BNIP2: variants seen among roughly 807,000 people sequenced by gnomAD.
BNIP2 encodes the protein BCL2 interacting protein 2.
BNIP2 carries 36 observed loss-of-function variants against 43.4 expected under a neutral mutation model. The observed-to-expected ratio is 0.83, with a 90% CI of 0.64 to 1.10. The LOEUF (loss-of-function observed/expected upper bound fraction) is 1.10. Ranked by LOEUF, BNIP2 falls within the 50% of genes least tolerant of loss-of-function variation. The probability of loss-of-function intolerance (pLI) is 0.00; values close to 1 mark genes in which losing one functional copy is unlikely to be tolerated. For missense variants in BNIP2, 417 were observed against 374.1 expected, an observed-to-expected ratio of 1.11 and a Z score of -0.95; for synonymous variants, 146 against 121.0, an observed-to-expected ratio of 1.21 and a Z score of -1.35.
At chr15:59,682,611 T>C in intron 1 of BNIP2, 97 bp from the exon 2 acceptor site, 1 of 951,536 alleles carries the variant, frequency 1.1e-6, no homozygotes, top group Non-Finnish European at 1.5e-6. Flanking sequence ...ACTTGATGTT[T>C]AGTACAATGG....
rs1208542526 is a variant in BNIP2, at chr15:59,668,204, G to A, written c.893+688C>T. ...GAAAATGAATAAAAACTTGAAAAAA[G>A]CTACTAAAAATAAACTCATTTAAAT... On this transcript the variant is annotated intron_variant, in intron 9 of 9. Coordinates refer to ENST00000607373, the MANE Select transcript of BNIP2 (RefSeq NM_004330.4). 1.3e-5 allele frequency: 13 copies of A among 998,890 alleles called. No individual in the cohort carries two copies. The East Asian group carries it at 2.6e-4, about 20-fold the overall frequency. 61.9% of individuals were successfully genotyped at this position (998,890 alleles called of 1,614,324 possible). A position where few individuals can be genotyped will look rare whatever the true frequency, so the allele number is the denominator to read the frequency against.
Position 59,682,486 on chromosome 15 carries a change from A to C in BNIP2, c.-29T>G, listed in dbSNP as rs763463693. 1 of 1,613,264 alleles carries C rather than the reference A, an allele frequency of 6.2e-7. No individual in the cohort carries two copies. The highest frequency in any genetic ancestry group is 2.2e-5 in the East Asian group (1 of 44,860). The stretch of plus-strand genomic sequence containing the variant: ...CAGCCTGGATTCAATGTCAACTACA[A>C]ACTCTTGATAATCCAGGGAGCCAAT... On this transcript the variant is annotated 5_prime_UTR_variant, in exon 2 of 10. Transcript: ENST00000607373.
chr15:59,661,705 TAC>T lies in BNIP2; in HGVS notation c.*2362_*2363del, dbSNP rs1362768675. 1 of 152,172 alleles carries T rather than the reference TAC, an allele frequency of 6.6e-6. No homozygotes were observed. Among genetic ancestry groups the T allele is most frequent in the African/African-American group, 2.4e-5 (1 of 41,426 alleles). 9.4% of individuals were successfully genotyped at this position (152,172 alleles called of 1,614,324 possible). ...CATGATCCCAACAGAAAGATAAAAG[TAC>T]AATCACATATACTTTCACCTTGGTC... On this transcript the variant is annotated 3_prime_UTR_variant, in exon 10 of 10. Coordinates refer to ENST00000607373, the MANE Select transcript of BNIP2 (RefSeq NM_004330.4).
rs1893340383 is a variant in BNIP2 at position 59,676,953 on chromosome 15, C to T, written c.472+958G>A. Reference sequence around the variant, plus strand: ...CTCTGCGAGAACAGCATGATCCTCTCTGCTGCCATCTTCATCACCCTCTTA... The same window carrying T: ...CTCTGCGAGAACAGCATGATCCTCTTTGCTGCCATCTTCATCACCCTCTTA... On this transcript the variant is annotated intron_variant, in intron 5 of 9. Transcript: ENST00000607373. The T allele has an allele frequency of 2.4e-5, 38 of 1,612,326 alleles. No individual in the cohort carries two copies. The South Asian group carries it at 3.5e-4, about 15-fold the overall frequency.
chr15:59,678,918 G>A (rs555636705), intron 4 of BNIP2: 4 of 1,218,296 alleles, frequency 3.3e-6, no homozygotes, highest in East Asian at 6.1e-5. Context: ...GCTTACTACT[G>A]GACTGTTTAT....
chr15:59,681,342 G>GT (rs1893653969), intron 2 of BNIP2, among the ~76,000 whole-genome samples: 1 of 150,550 alleles, frequency 6.6e-6, no homozygotes, highest in Non-Finnish European at 1.5e-5. Context: ...CAATATAATT[G>GT]TAAATACAAA....
intron 5 of BNIP2, among the ~76,000 whole-genome samples, chr15:59,674,624 G>C (rs1477530626): frequency 1.3e-5 from 2 of 152,120 alleles, no homozygotes; most frequent in African/African-American, 4.8e-5. Context: ...AATGCATCTG[G>C]CAGAGAGTAA....
In BNIP2 at chr15:59,678,754, A is replaced by G. The variant is rs558048683; in HGVS notation, c.296-667T>C. ...TCAGTATTATAGTCCTTACCAAAAGATGGGGGGAGGGGGAAACCTACTGCA... is the reference window on the plus strand; with the variant it reads ...TCAGTATTATAGTCCTTACCAAAAGGTGGGGGGAGGGGGAAACCTACTGCA... On this transcript the variant is annotated intron_variant, in intron 4 of 9. Transcript: ENST00000607373. The G allele has an allele frequency of 9.8e-4, 1,267 of 1,292,394 alleles. 9 individuals carry two copies. The highest frequency in any genetic ancestry group is 8.0e-3 in the Middle Eastern group (37 of 4,650). 80.1% of individuals were successfully genotyped at this position (1,292,394 alleles called of 1,614,324 possible). A position where few individuals can be genotyped will look rare whatever the true frequency, so the allele number is the denominator to read the frequency against.
At chr15:59,678,498 A>G in intron 4 of BNIP2, 1 of 1,070,364 alleles carries the variant, frequency 9.3e-7, no homozygotes, top group Non-Finnish European at 1.1e-6. Context: ...GTTGTTGTTG[A>G]GCACATAAAT....
rs766304179 is a variant in BNIP2, at chr15:59,689,294, G to A, written c.-217C>T. The A allele has an allele frequency of 3.9e-6, 6 of 1,546,036 alleles. No individual in the cohort carries two copies. Among genetic ancestry groups the A allele is most frequent in the African/African-American group, 1.4e-5 (1 of 72,870 alleles). Reference sequence around the variant, plus strand: ...CCCCCGGCCGCAGCGGTACGGCGTCGGCGGCAGCAGCTGACCCGGACACAG... The same window carrying A: ...CCCCCGGCCGCAGCGGTACGGCGTCAGCGGCAGCAGCTGACCCGGACACAG... On this transcript the variant is annotated 5_prime_UTR_variant, in exon 1 of 10. Transcript: ENST00000607373.
rs139083531 is a variant in BNIP2, at chr15:59,678,466, T to G, written c.296-379A>C. Reference sequence around the variant, plus strand: ...AGTTATGACTATAGGTTACTTCAAGTAGCTATCTGGGAGCCAATTTTGTTG... The same window carrying G: ...AGTTATGACTATAGGTTACTTCAAGGAGCTATCTGGGAGCCAATTTTGTTG... On this transcript the variant is annotated intron_variant, in intron 4 of 9. Transcript: ENST00000607373. 1.4e-3 allele frequency: 1,449 copies of G among 1,067,642 alleles called. 4 individuals carry two copies. The highest frequency in any genetic ancestry group is 3.2e-3 in the Middle Eastern group (7 of 2,196). The allele number at this position is 1,067,642 out of a possible 1,614,324, so 66.1% of individuals were successfully genotyped here.
chr15:59,679,881 C>G, intron 3 of BNIP2, 113 bp from the exon 4 acceptor site: 1 of 1,014,582 alleles, frequency 9.9e-7, no homozygotes, highest in Non-Finnish European at 1.4e-6. Flanking sequence ...ATTAATTGAA[C>G]ATAATTTCAA....
chr15:59,672,833 G>C (rs1323550786), intron 5 of BNIP2, 94 bp from the exon 6 acceptor site: 8 of 845,886 alleles, frequency 9.5e-6, no homozygotes, highest in Non-Finnish European at 1.5e-5. Context: ...ATAAATAAGA[G>C]TTTACTTTTC....
intron 5 of BNIP2, among the ~76,000 whole-genome samples, chr15:59,674,090 C>CAAAAA (rs754263928): frequency 3.1e-4 from 28 of 91,420 alleles, no homozygotes; most frequent in Admixed American, 3.7e-4. Context: ...ACTTGGGTCT[C>CAAAAA]AAAAAAAAAA....
intron 9 of BNIP2, among the ~76,000 whole-genome samples, chr15:59,666,758 A>G (rs1250166151): frequency 6.6e-6 from 1 of 152,302 alleles, no homozygotes; most frequent in African/African-American, 2.4e-5. Context: ...TTTTAAGACT[A>G]AAGAAACTAC....
chr15:59,678,229 G>C, intron 4 of BNIP2, 142 bp from the exon 5 acceptor site: 1 of 1,388,440 alleles, frequency 7.2e-7, no homozygotes, highest in South Asian at 1.7e-5. Flanking sequence ...CCATAAAGGA[G>C]GAAAAGGCTT....
chr15:59,680,452 G>A, intron 2 of BNIP2, 144 bp from the exon 3 acceptor site: 1 of 591,106 alleles, frequency 1.7e-6, no homozygotes, highest in Non-Finnish European at 2.8e-6. Context: ...ACAGGGTCTT[G>A]CTGTCTGTCA....
chr15:59,669,721 A>C (rs1169340746), intron 7 of BNIP2, among the ~76,000 whole-genome samples: 2 of 152,216 alleles, frequency 1.3e-5, no homozygotes, highest in African/African-American at 2.4e-5. Context: ...ATTGGTGCTA[A>C]GTTCTTCAAA....
chr15:59,680,223 T>C lies in BNIP2; in HGVS notation c.118+18A>G. On this transcript the variant is annotated intron_variant, in intron 3 of 9. Transcript: ENST00000607373. ...ACAAAGTCCATAATTTCAATGAAAG[T>C]AAGTGTCAAGCTCTTACCAGGCTGG... The C allele has an allele frequency of 6.6e-7, 1 of 1,511,840 alleles. No individual in the cohort carries two copies. Among genetic ancestry groups the C allele is most frequent in the Non-Finnish European group, 8.9e-7 (1 of 1,120,746 alleles). 93.7% of individuals were successfully genotyped at this position (1,511,840 alleles called of 1,614,324 possible). A position where few individuals can be genotyped will look rare whatever the true frequency, so the allele number is the denominator to read the frequency against.
Sources: gnomAD v4.1 joint callset for allele counts (sites outside exome capture counted in the v4.1 genomes callset) on GRCh38, gnomAD v4.1.1 for gene constraint, MANE v1.5 for transcripts, NCBI Gene and HGNC (gene_info 2026-07-23, HGNC 2026-07-21) for gene names.